GABRB1: variants seen among roughly 807,000 people sequenced by gnomAD.
GABRB1 encodes gamma-aminobutyric acid receptor subunit beta-1.
Under a neutral mutation model 51.6 loss-of-function variants are expected in GABRB1, and 17 were observed. The observed-to-expected ratio is 0.33, with a 90% confidence interval of 0.23 to 0.49. The LOEUF is 0.49. Among genes scored for constraint, GABRB1 ranks in the 20% least tolerant of loss-of-function variants. The probability of loss-of-function intolerance (pLI) is 0.99; values close to 1 mark genes in which losing one functional copy is unlikely to be tolerated. For missense variants in GABRB1, 410 were observed against 600.6 expected (o/e 0.68, Z 3.32); for synonymous variants, 247 against 218.9 (o/e 1.13, Z -1.14).
chr4:47,266,648 T>C (rs1469427426), intron 4 of GABRB1, among the ~76,000 whole-genome samples: 1 of 152,226 alleles, frequency 6.6e-6, no homozygotes, highest in Non-Finnish European at 1.5e-5. Context: ...AGATATTCAA[T>C]ATGATTTCAA....
intron 3 of GABRB1, among the ~76,000 whole-genome samples, chr4:47,048,502 T>C (rs901212437): frequency 1.3e-5 from 2 of 152,120 alleles, no homozygotes; most frequent in South Asian, 4.1e-4. Flanking sequence ...ATGAATAAAA[T>C]TGTGTTCAAT....
chr4:47,367,821 T>C (rs1727034175), intron 5 of GABRB1, among the ~76,000 whole-genome samples: 1 of 152,226 alleles, frequency 6.6e-6, no homozygotes, highest in African/African-American at 2.4e-5. Flanking sequence ...TAAATGGCTC[T>C]GCTCCAAAAG....
chr4:47,269,370 T>C (rs2109890584), intron 4 of GABRB1, among the ~76,000 whole-genome samples: 1 of 152,288 alleles, frequency 6.6e-6, no homozygotes, highest in East Asian at 1.9e-4. Flanking sequence ...AGAACAGACA[T>C]TGGGACGTTT....
rs1487531732 is a variant in GABRB1, at chr4:47,008,852, CCTTTTTTT to C, written c.-20+14927_-20+14934del. On this transcript the variant is annotated intron_variant, in intron 1 of 3. Transcript: ENST00000513567. ...CACCCTGTCACGCTATCAGATACTA[CCTTTTTTT>C]TTTTTTTTTTTTTTTTTTTTTTGAG... Among the ~76,000 whole-genome samples, 27 of 56,474 alleles carry C rather than the reference CCTTTTTTT, an allele frequency of 4.8e-4. 5 individuals are homozygous for C. Among genetic ancestry groups the C allele is most frequent in the African/African-American group, 6.2e-4 (8 of 12,874 alleles). The allele number at this position is 56,474 out of a possible 152,430, so 37.0% of individuals were successfully genotyped here.
intron 3 of GABRB1, among the ~76,000 whole-genome samples, chr4:47,122,283 G>T (rs1338414296): frequency 6.6e-6 from 1 of 152,132 alleles, no homozygotes; most frequent in Non-Finnish European, 1.5e-5. Context: ...TGCTGAATTT[G>T]TTCTGGGTGA....
chr4:47,170,114 A>T (rs1000605166), intron 4 of GABRB1, among the ~76,000 whole-genome samples: 23 of 152,130 alleles, frequency 1.5e-4, no homozygotes, highest in Admixed American at 1.4e-3. Context: ...TCTAATGTTA[A>T]CTAAAAACCT....
At chr4:47,014,365 T>A (rs1479585238) in intron 1 of GABRB1, among the ~76,000 whole-genome samples, 1 of 152,236 alleles carries the variant, frequency 6.6e-6, no homozygotes, top group Non-Finnish European at 1.5e-5. Flanking sequence ...GTCATCTTTA[T>A]AAAGAACCTG....
In GABRB1 at chr4:47,127,110, C is replaced by A. The variant is rs550854396; in HGVS notation, c.241-34139C>A. Among the ~76,000 whole-genome samples, 37 of 151,676 alleles carry A rather than the reference C, an allele frequency of 2.4e-4. 1 individual carries two copies. In the East Asian group the frequency reaches 3.7e-3, roughly 15 times the overall value. On this transcript the variant is annotated intron_variant, in intron 3 of 8. Transcript: ENST00000295454. ...CAGATACAGTTTGAATAGAAAAAAA[C>A]CTATTTAAATCCCTCCTTATATTAA...
intron 4 of GABRB1, among the ~76,000 whole-genome samples, chr4:47,195,790 A>G (rs936109229): frequency 1.3e-5 from 2 of 152,200 alleles, no homozygotes; most frequent in Non-Finnish European, 2.9e-5. Flanking sequence ...GAATTATTCC[A>G]TGTAATTCTC....
At chr4:47,112,576 C>T (rs980446081) in intron 3 of GABRB1, among the ~76,000 whole-genome samples, 7 of 152,172 alleles carry the variant, frequency 4.6e-5, no homozygotes, top group Admixed American at 6.5e-5. Context: ...AAAGAAACAA[C>T]TTATACACCT....
intron 1 of GABRB1, among the ~76,000 whole-genome samples, chr4:47,024,259 T>C (rs1725017369): frequency 6.6e-6 from 1 of 151,984 alleles, no homozygotes; most frequent in Admixed American, 6.6e-5. Flanking sequence ...GGAATTTACT[T>C]CCTATACTTC....
At chr4:47,421,753 A>T (rs1365736607) in intron 8 of GABRB1, among the ~76,000 whole-genome samples, 2 of 152,134 alleles carry the variant, frequency 1.3e-5, no homozygotes, top group African/African-American at 4.8e-5. Context: ...ACTTTGATGA[A>T]TCCCTAATCG....
At chr4:47,329,577 T>G (rs1194694999) in intron 5 of GABRB1, among the ~76,000 whole-genome samples, 1 of 148,506 alleles carries the variant, frequency 6.7e-6, no homozygotes, top group Non-Finnish European at 1.5e-5. Context: ...CCATTCTAAA[T>G]GGTTACCAAT....
intron 4 of GABRB1, among the ~76,000 whole-genome samples, chr4:47,250,232 A>C (rs1265481571): frequency 1.3e-5 from 2 of 152,154 alleles, no homozygotes; most frequent in Non-Finnish European, 2.9e-5. Context: ...CTGGATACAA[A>C]ATTTTTGGCT....
chr4:47,172,462 CTAAA>C (rs1718479454), intron 4 of GABRB1, among the ~76,000 whole-genome samples: 1 of 151,934 alleles, frequency 6.6e-6, no homozygotes, highest in African/African-American at 2.4e-5. Flanking sequence ...TAGGCTTTGC[CTAAA>C]TAACTCTTGT....
intron 3 of GABRB1, among the ~76,000 whole-genome samples, chr4:47,069,944 C>G (rs563877489): frequency 6.6e-6 from 1 of 152,156 alleles, no homozygotes; most frequent in African/African-American, 2.4e-5. Context: ...ATAAAGACCC[C>G]CATGTTGCTA....
chr4:47,260,561 T>G (rs1233902774), intron 4 of GABRB1, among the ~76,000 whole-genome samples: 1 of 152,154 alleles, frequency 6.6e-6, no homozygotes, highest in Non-Finnish European at 1.5e-5. Context: ...GTCTGTAAAG[T>G]ATTTTATTTC....
intron 4 of GABRB1, among the ~76,000 whole-genome samples, chr4:47,222,957 A>G (rs560396768): frequency 6.6e-6 from 1 of 152,166 alleles, no homozygotes; most frequent in East Asian, 1.9e-4. Flanking sequence ...TTTTAGTAGC[A>G]TGAGTACTTA....
intron 5 of GABRB1, among the ~76,000 whole-genome samples, chr4:47,377,512 A>C (rs1727430457): frequency 6.6e-6 from 1 of 151,878 alleles, no homozygotes; most frequent in Non-Finnish European, 1.5e-5. Context: ...TGTGGACCCA[A>C]AGAATGAGCA....
Sources: gnomAD v4.1 joint callset for allele counts (sites outside exome capture counted in the v4.1 genomes callset) on GRCh38, gnomAD v4.1.1 for gene constraint, MANE v1.5 for transcripts, NCBI Gene and HGNC (gene_info 2026-07-23, HGNC 2026-07-21) for gene names.